The following TSPAN19 variants were observed in gnomAD, a reference collection of about 807,000 sequenced individuals.
TSPAN19 encodes the protein tetraspanin-19.
In TSPAN19, 44 loss-of-function variants were observed where a neutral mutation model predicts 35.1. The ratio of observed to expected loss-of-function variants is 1.25; its 90% CI spans 0.98 to 1.61. The LOEUF (loss-of-function observed/expected upper bound fraction) is 1.61. TSPAN19 is among the 40% of genes most tolerant of loss of function. The pLI is 0.00. For synonymous variants in TSPAN19, 79 were observed against 92.0 expected (o/e 0.86, Z 0.81); for missense variants, 290 against 280.0 (o/e 1.04, Z -0.26).
intron 1 of TSPAN19, among the ~76,000 whole-genome samples, chr12:85,030,416 T>C (rs551322878): frequency 1.6e-4 from 24 of 152,260 alleles, no homozygotes; most frequent in African/African-American, 5.3e-4. Context: ...TCCTCACTTC[T>C]GCATGCCCTT....
intron 3 of TSPAN19, among the ~76,000 whole-genome samples, chr12:85,029,073 G>A (rs904376641): frequency 2.6e-5 from 4 of 152,138 alleles, no homozygotes; most frequent in African/African-American, 9.7e-5. Context: ...AAAAATGTTT[G>A]CAAGGATGAC....
At position 85,015,957 on chromosome 12, in the gene TSPAN19, T is replaced by C; in HGVS notation, c.609A>G (p.Lys203=). The change falls in exon 8 of 9, where the codon AAA becomes AAG. Residue 203 remains lysine (K), a synonymous_variant. Coordinates refer to ENST00000532498, the MANE Select transcript of TSPAN19 (RefSeq NM_001100917.2). ...NATYLEGCEN[K]ISAWYNVNVL... ...CATTAACATTATACCATGCACTGAT[T>C]TTATTTTCACAACCCTAAGAAAAAG... 1.9e-6 allele frequency: 3 copies of C among 1,543,280 alleles called. No homozygotes were observed. The highest frequency in any genetic ancestry group is 1.7e-4 in the Middle Eastern group (1 of 5,926).
chr12:85,035,468 TATTAAC>T (rs1417028733), intron 1 of TSPAN19, among the ~76,000 whole-genome samples: 1 of 152,212 alleles, frequency 6.6e-6, no homozygotes, highest in Non-Finnish European at 1.5e-5. Context: ...ATGAGAAATC[TATTAAC>T]GTCTCACTTT....
chr12:85,028,557 C>T (rs1316409886), intron 3 of TSPAN19, among the ~76,000 whole-genome samples: 1 of 152,094 alleles, frequency 6.6e-6, no homozygotes. Flanking sequence ...ATGGCACAAA[C>T]AGCAGAACAA....
intron 6 of TSPAN19, among the ~76,000 whole-genome samples, chr12:85,018,154 C>T (rs942808910): frequency 4.0e-5 from 6 of 151,716 alleles, no homozygotes; most frequent in African/African-American, 1.2e-4. Context: ...AGAAATGTCT[C>T]ATTTGTAGTG....
At chr12:85,031,258 G>A (rs1877671860) in intron 1 of TSPAN19, among the ~76,000 whole-genome samples, 1 of 151,948 alleles carries the variant, frequency 6.6e-6, no homozygotes, top group Admixed American at 6.6e-5. Context: ...TTCCTCTAAT[G>A]CCTGGCATGT....
chr12:85,028,160 GTCTC>G (rs143218811), intron 3 of TSPAN19, 137 bp from the exon 4 acceptor site: 71 of 594,804 alleles, frequency 1.2e-4, no homozygotes, highest in Non-Finnish European at 1.8e-4. Context: ...AGGATTCTCT[GTCTC>G]TCTCTGTCTC....
intron 5 of TSPAN19, 115 bp from the exon 6 acceptor site, chr12:85,019,851 TTC>T (rs1387196505): frequency 3.6e-6 from 2 of 556,518 alleles, no homozygotes; most frequent in Non-Finnish European, 6.3e-6. Flanking sequence ...AATATTATTT[TTC>T]TGTTTTCTGT....
intron 6 of TSPAN19, among the ~76,000 whole-genome samples, chr12:85,018,967 A>G (rs1876967735): frequency 6.6e-6 from 1 of 151,766 alleles, no homozygotes; most frequent in Non-Finnish European, 1.5e-5. Context: ...GTGCTGATCT[A>G]TTTCTGTAAA....
chr12:85,025,975 C>A (rs186171037), intron 4 of TSPAN19, among the ~76,000 whole-genome samples: 32 of 152,264 alleles, frequency 2.1e-4, no homozygotes, highest in Admixed American at 2.0e-3. Flanking sequence ...ATTAGCAATA[C>A]CCTTCCATGG....
chr12:85,015,242 A>G (rs1237928524), intron 8 of TSPAN19: 1 of 151,916 alleles, frequency 6.6e-6, no homozygotes, highest in Non-Finnish European at 1.5e-5. Context: ...CATAGCCTGC[A>G]CTTATTCTTA....
At chr12:85,019,901 G>C (rs1242898366) in intron 5 of TSPAN19, among the ~76,000 whole-genome samples, 165 bp from the exon 6 acceptor site, 1 of 151,720 alleles carries the variant, frequency 6.6e-6, no homozygotes, top group East Asian at 1.9e-4. Context: ...CACTTTCAGT[G>C]GATATCAAAT....
rs1041457594 is a variant in TSPAN19 at position 85,015,991 on chromosome 12, C to G, written c.595-20G>C. ...ACAACCCTAAGAAAAAGAAGTTATT[C>G]AGATGGACATGGAGATGGAAATGAT... On this transcript the variant is annotated intron_variant, in intron 7 of 8. Coordinates refer to ENST00000532498, the MANE Select transcript of TSPAN19 (RefSeq NM_001100917.2). The G allele has an allele frequency of 1.4e-5, 19 of 1,397,442 alleles. No individual in the cohort carries two copies. Among genetic ancestry groups the G allele is most frequent in the Middle Eastern group, 1.8e-4 (1 of 5,558 alleles). The allele number at this position is 1,397,442 out of a possible 1,614,324, so 86.6% of individuals were successfully genotyped here.
chr12:85,018,522 G>T (rs374420353), intron 6 of TSPAN19, among the ~76,000 whole-genome samples: 2 of 151,930 alleles, frequency 1.3e-5, no homozygotes, highest in Admixed American at 1.3e-4. Flanking sequence ...CCATAGGAAG[G>T]TTCACTTCTC....
rs1876967068 is a variant in TSPAN19, at chr12:85,018,960, C to T, written c.450+666G>A. On this transcript the variant is annotated intron_variant, in intron 6 of 8. Coordinates refer to ENST00000532498, the MANE Select transcript of TSPAN19 (RefSeq NM_001100917.2). ...TTGGGCACTTATTATATTCCAGGTG[C>T]TGATCTATTTCTGTAAACCATTTAG... Among the ~76,000 whole-genome samples, 8 of 151,712 alleles carry T rather than the reference C, an allele frequency of 5.3e-5. No individual in the cohort carries two copies. The South Asian group carries it at 1.7e-3, about 32-fold the overall frequency.
chr12:85,023,483 T>A (rs1440429292), intron 4 of TSPAN19, 83 bp from the exon 5 acceptor site: 3 of 1,105,322 alleles, frequency 2.7e-6, no homozygotes, highest in South Asian at 1.5e-5. Context: ...ACACACACCA[T>A]TGGAAATATG....
chr12:85,029,680 G>C (rs1317996550), intron 3 of TSPAN19, 39 bp downstream of exon 3: 2 of 1,422,620 alleles, frequency 1.4e-6, no homozygotes, highest in African/African-American at 3.0e-5. Flanking sequence ...AAAATTGAAT[G>C]TCTATTTCAC....
Position 85,017,588 on chromosome 12 carries a change from A to T in TSPAN19, c.462T>A (p.Cys154Ter). The change falls in exon 7 of 9, where the codon TGT becomes TGA. Residue 154 changes from cysteine (C) to a stop codon, truncating the protein, a stop_gained. Coordinates refer to ENST00000532498, the MANE Select transcript of TSPAN19 (RefSeq NM_001100917.2). LOFTEE classifies it high-confidence loss of function. ...LNALQKTLQC[C>*]GQHNYTDWIK... ...TCCAGTCTGTGTAATTATGTTGGCC[A>T]CAACACTGTAACTAGGAAAAAGCTT... 6.4e-7 allele frequency: 1 copy of T among 1,571,630 alleles called. No homozygotes were observed.
intron 4 of TSPAN19, among the ~76,000 whole-genome samples, chr12:85,025,175 G>A (rs1271204638): frequency 6.6e-6 from 1 of 151,196 alleles, no homozygotes; most frequent in Non-Finnish European, 1.5e-5. Context: ...TCACTCTGTG[G>A]CCCAGGCTGG....
Sources: gnomAD v4.1 joint callset for allele counts (sites outside exome capture counted in the v4.1 genomes callset) on GRCh38, gnomAD v4.1.1 for gene constraint, MANE v1.5 for transcripts, NCBI Gene and HGNC (gene_info 2026-07-23, HGNC 2026-07-21) for gene names.